The following ARMC2 variants were observed in gnomAD, a reference collection of about 807,000 sequenced individuals.
The protein encoded by ARMC2 is armadillo repeat containing 2.
Under a neutral mutation model 90.3 loss-of-function variants are expected in ARMC2, and 67 were observed. The observed-to-expected ratio is 0.74, with a 90% CI of 0.61 to 0.91. The LOEUF is 0.91. Among genes scored for constraint, ARMC2 ranks in the 40% least tolerant of loss-of-function variants. The pLI, the probability that ARMC2 is intolerant of heterozygous loss-of-function variation, is 0.00. For synonymous variants in ARMC2, 393 were observed against 393.0 expected, an observed-to-expected ratio of 1.00 and a Z score of 0.00; for missense variants, 920 against 1,030.9, an observed-to-expected ratio of 0.89 and a Z score of 1.47.
chr6:108,930,522 C>T lies in ARMC2; in HGVS notation c.1496+2289C>T, dbSNP rs542122173. On this transcript the variant is annotated intron_variant, in intron 11 of 17. Coordinates refer to ENST00000392644, the MANE Select transcript of ARMC2 (RefSeq NM_032131.6). ...TATTTGTTGTAGGTTTTCCTAACTA[C>T]CCTTTAGAAGATTAATGATTTTTTT... 1.3e-4 allele frequency among the ~76,000 whole-genome samples: 19 copies of T among 151,106 alleles called. No individual in the cohort carries two copies. In the South Asian group the frequency reaches 4.0e-3, roughly 32 times the overall value.
chr6:108,922,760 A>G (rs760291028), intron 10 of ARMC2, among the ~76,000 whole-genome samples: 3 of 152,194 alleles, frequency 2.0e-5, no homozygotes, highest in Non-Finnish European at 2.9e-5. Flanking sequence ...TGAGGGTGGT[A>G]CCTGTTATGA....
chr6:109,023,672 T>A, the ARMC2 span, among the ~76,000 whole-genome samples: 1 of 152,170 alleles, frequency 6.6e-6, no homozygotes, highest in African/African-American at 2.4e-5. Flanking sequence ...GTACTTAAAC[T>A]GCATTTTCAT....
the ARMC2 span, chr6:108,998,800 GGT>G: frequency 3.2e-6 from 5 of 1,561,898 alleles, no homozygotes; most frequent in Non-Finnish European, 4.3e-6. Flanking sequence ...ACTGGGGTGT[GGT>G]AAAAGTATAC....
rs1334496940 is a variant in ARMC2 at position 108,904,107 on chromosome 6, T to A, written c.848-123T>A. The A allele has an allele frequency of 4.3e-6, 5 of 1,150,508 alleles. No individual in the cohort carries two copies. In the Admixed American group the frequency reaches 1.2e-4, roughly 28 times the overall value. The allele number at this position is 1,150,508 out of a possible 1,614,324, so 71.3% of individuals were successfully genotyped here. A position where few individuals can be genotyped will look rare whatever the true frequency, so the allele number is the denominator to read the frequency against. On this transcript the variant is annotated intron_variant, in intron 7 of 17. Coordinates refer to ENST00000392644, the MANE Select transcript of ARMC2 (RefSeq NM_032131.6). ...TGATAAGATAAGAAAAAAATAGAGGTCAGGAATTTGAAGATATCCAAGGAA... is the reference window on the plus strand; with the variant it reads ...TGATAAGATAAGAAAAAAATAGAGGACAGGAATTTGAAGATATCCAAGGAA...
At chr6:108,987,486 C>T in the ARMC2 span, 1 of 918,706 alleles carries the variant, frequency 1.1e-6, no homozygotes, top group Non-Finnish European at 1.7e-6. Context: ...TAGTACCTTC[C>T]CCCTTGTAGA....
intron 17 of ARMC2, among the ~76,000 whole-genome samples, chr6:108,972,333 G>C (rs988743458): frequency 1.3e-5 from 2 of 152,098 alleles, no homozygotes; most frequent in African/African-American, 2.4e-5. Flanking sequence ...ATACTCCTTG[G>C]GATTCCCAAG....
intron 13 of ARMC2, among the ~76,000 whole-genome samples, chr6:108,957,938 A>G (rs551198025): frequency 3.3e-5 from 5 of 152,300 alleles, no homozygotes; most frequent in Admixed American, 6.5e-5. Context: ...TGGCTTCCGC[A>G]GCGTTCTGTG....
At chr6:108,955,403 G>A (rs529140411) in intron 13 of ARMC2, among the ~76,000 whole-genome samples, 1 of 152,262 alleles carries the variant, frequency 6.6e-6, no homozygotes, top group South Asian at 2.1e-4. Context: ...GGTTGAAAAC[G>A]CATTTTCATA....
chr6:109,023,608 C>CAA, the ARMC2 span, among the ~76,000 whole-genome samples: 1 of 152,142 alleles, frequency 6.6e-6, no homozygotes, highest in Non-Finnish European at 1.5e-5. Context: ...TGTTTGGGGA[C>CAA]ATATGTTTAT....
chr6:108,929,560 C>T (rs1475999874), intron 11 of ARMC2, among the ~76,000 whole-genome samples: 2 of 152,154 alleles, frequency 1.3e-5, no homozygotes, highest in South Asian at 2.1e-4. Context: ...ACTACAGCCT[C>T]GACTGCCCAG....
chr6:108,991,065 T>C, the ARMC2 span, among the ~76,000 whole-genome samples: 3 of 141,926 alleles, frequency 2.1e-5, no homozygotes, highest in Admixed American at 6.9e-5. Flanking sequence ...TAGTCTCATC[T>C]CAAAAAAAAA....
In ARMC2 at chr6:108,856,937, T is replaced by C. The variant is rs763447701; in HGVS notation, c.219-1262T>C. On this transcript the variant is annotated intron_variant, in intron 2 of 17. Transcript: ENST00000392644. ...GTTCCATTGATCTGTTTGTCTTTTC[T>C]TTCACCAGTACTATACTGTCTTTAT... Among the ~76,000 whole-genome samples the C allele has an allele frequency of 4.6e-5, 7 of 152,274 alleles. 1 individual carries two copies. Among genetic ancestry groups the C allele is most frequent in the Non-Finnish European group, 8.8e-5 (6 of 68,042 alleles).
At chr6:108,855,072 A>G (rs974069990) in intron 2 of ARMC2, among the ~76,000 whole-genome samples, 12 of 152,008 alleles carry the variant, frequency 7.9e-5, no homozygotes, top group African/African-American at 2.9e-4. Context: ...TGAATAGCTC[A>G]TTTCTTTTTA....
chr6:108,863,757 A>G (rs2128423832), intron 3 of ARMC2, among the ~76,000 whole-genome samples: 1 of 152,330 alleles, frequency 6.6e-6, no homozygotes, highest in African/African-American at 2.4e-5. Context: ...ACACAGAAGA[A>G]TTCAGCTTGA....
At position 108,969,352 on chromosome 6, in the gene ARMC2, G is replaced by A. The variant is rs114690843; in HGVS notation, c.2447-4005G>A. Among the ~76,000 whole-genome samples, 1,520 of 152,326 alleles carry A rather than the reference G, an allele frequency of 1.0e-2. 29 individuals carry two copies. Among genetic ancestry groups the A allele is most frequent in the African/African-American group, 0.035 (1,455 of 41,564 alleles). Reference sequence around the variant, plus strand: ...GTGAGTAAAGGAAGCTTTTATAGATGCTGCAGGACACAAACTTCTAATGAT... The same window carrying A: ...GTGAGTAAAGGAAGCTTTTATAGATACTGCAGGACACAAACTTCTAATGAT... On this transcript the variant is annotated intron_variant, in intron 17 of 17. Coordinates refer to ENST00000392644, the MANE Select transcript of ARMC2 (RefSeq NM_032131.6).
At chr6:108,901,712 G>A (rs1017721331) in intron 7 of ARMC2, among the ~76,000 whole-genome samples, 1 of 150,804 alleles carries the variant, frequency 6.6e-6, no homozygotes, top group Non-Finnish European at 1.5e-5. Flanking sequence ...CCACTGAGCC[G>A]GCTGGCATGT....
At chr6:108,904,722 A>C (rs1326394687) in intron 8 of ARMC2, among the ~76,000 whole-genome samples, 1 of 152,128 alleles carries the variant, frequency 6.6e-6, no homozygotes, top group Non-Finnish European at 1.5e-5. Context: ...AGGCAAATAC[A>C]TTCAAAATGG....
At chr6:108,936,774 T>A in intron 11 of ARMC2, 126 bp from the exon 12 acceptor site, 1 of 767,806 alleles carries the variant, frequency 1.3e-6, no homozygotes, top group Non-Finnish European at 2.1e-6. Flanking sequence ...GTGTAGAGTA[T>A]TTTTAGACTC....
intron 10 of ARMC2, among the ~76,000 whole-genome samples, chr6:108,915,166 T>G (rs78168086): frequency 0.037 from 5,628 of 152,018 alleles, 232 homozygotes; most frequent in East Asian, 0.2. Context: ...ATGTTGGCCA[T>G]GCTAGTCTCA....
Sources: allele counts gnomAD v4.1 joint callset (sites outside exome capture counted in the v4.1 genomes callset), GRCh38; gene constraint gnomAD v4.1.1; transcripts MANE v1.5; gene names NCBI Gene and HGNC (gene_info 2026-07-23, HGNC 2026-07-21).